Variants in C3orf70 observed in about 807,000 individuals in gnomAD.
C3orf70 encodes the protein UPF0524 protein C3orf70.
C3orf70 carries 15 observed loss-of-function variants against 20.7 expected under a neutral mutation model. The ratio of observed to expected loss-of-function variants is 0.72; its 90% CI spans 0.48 to 1.11. The LOEUF is 1.11. C3orf70 is among the 50% of genes most tolerant of loss of function. C3orf70 has a pLI of 0.00. For missense variants in C3orf70, 332 were observed against 317.6 expected, an observed-to-expected ratio of 1.05 and a Z score of -0.34; for synonymous variants, 161 against 125.7, an observed-to-expected ratio of 1.28 and a Z score of -1.88.
chr3:185,088,735 C>T (rs1346573758), intron 1 of C3orf70, among the ~76,000 whole-genome samples: 1 of 152,140 alleles, frequency 6.6e-6, no homozygotes, highest in African/African-American at 2.4e-5. Flanking sequence ...TAGGACTGTG[C>T]AAATATCCTG....
At chr3:185,087,597 T>C (rs1169400767) in intron 1 of C3orf70, among the ~76,000 whole-genome samples, 1 of 152,224 alleles carries the variant, frequency 6.6e-6, no homozygotes, top group African/African-American at 2.4e-5. Flanking sequence ...TTGCTTGATG[T>C]ATCTAAAGTA....
chr3:185,148,806 GCCATTA>G (rs1716926501), intron 1 of C3orf70, among the ~76,000 whole-genome samples: 1 of 152,122 alleles, frequency 6.6e-6, no homozygotes, highest in Non-Finnish European at 1.5e-5. Flanking sequence ...TCAAAAATGC[GCCATTA>G]CCCAAATACA....
intron 1 of C3orf70, among the ~76,000 whole-genome samples, chr3:185,149,394 CA>C (rs34153305): frequency 0.011 from 1,152 of 104,362 alleles, 17 homozygotes; most frequent in African/African-American, 0.046. Context: ...CTCTGTCTCC[CA>C]AAAAAAAAAA....
intron 1 of C3orf70, among the ~76,000 whole-genome samples, chr3:185,130,398 G>T (rs972242784): frequency 1.3e-5 from 2 of 152,114 alleles, no homozygotes; most frequent in African/African-American, 4.8e-5. Context: ...AGCGTGCAGT[G>T]AGCCGAGATC....
chr3:185,088,875 G>A (rs1188765424), intron 1 of C3orf70, among the ~76,000 whole-genome samples: 6 of 151,912 alleles, frequency 3.9e-5, no homozygotes, highest in East Asian at 1.9e-4. Context: ...TTCTATTTAC[G>A]TCATTCCTTC....
chr3:185,120,231 T>G (rs1266769058), intron 1 of C3orf70, among the ~76,000 whole-genome samples: 1 of 152,130 alleles, frequency 6.6e-6, no homozygotes, highest in African/African-American at 2.4e-5. Context: ...AAGCAAATTT[T>G]GAAAATTATT....
intron 1 of C3orf70, among the ~76,000 whole-genome samples, chr3:185,102,904 C>A (rs184105340): frequency 1.1e-3 from 163 of 152,236 alleles, no homozygotes; most frequent in African/African-American, 3.7e-3. Context: ...AAAATTAACT[C>A]AAGATAGATA....
intron 1 of C3orf70, among the ~76,000 whole-genome samples, chr3:185,150,680 G>A (rs1379905823): frequency 6.6e-6 from 1 of 152,186 alleles, no homozygotes; most frequent in African/African-American, 2.4e-5. Context: ...AACATGGGAG[G>A]TAGTGGTCTT....
At chr3:185,089,016 G>C (rs913499344) in intron 1 of C3orf70, among the ~76,000 whole-genome samples, 1 of 152,174 alleles carries the variant, frequency 6.6e-6, no homozygotes, top group African/African-American at 2.4e-5. Flanking sequence ...CTGAGATAAA[G>C]ACTTGTCTCA....
intron 1 of C3orf70, among the ~76,000 whole-genome samples, chr3:185,090,984 A>G (rs919419740): frequency 6.6e-6 from 1 of 152,158 alleles, no homozygotes; most frequent in African/African-American, 2.4e-5. Context: ...AGTGAGACAG[A>G]CCACCAGACG....
intron 1 of C3orf70, among the ~76,000 whole-genome samples, chr3:185,096,712 C>CACTT (rs1561334955): frequency 1.3e-5 from 2 of 152,186 alleles, no homozygotes; most frequent in African/African-American, 4.8e-5. Context: ...TTCCTTGGCT[C>CACTT]ACTTACAGTC....
intron 1 of C3orf70, among the ~76,000 whole-genome samples, chr3:185,128,799 G>T (rs1350588590): frequency 6.6e-6 from 1 of 152,150 alleles, no homozygotes; most frequent in Non-Finnish European, 1.5e-5. Flanking sequence ...ACGCGCTTCT[G>T]TGAAACTCTG....
Position 185,079,767 on chromosome 3 carries a change from C to T in C3orf70, c.*3240G>A, listed in dbSNP as rs957023033. ...ATGTAAACCCAAGAAAGCAGTTTAT[C>T]CATCCACACAGCCCAACCCTTGCTC... On this transcript the variant is annotated 3_prime_UTR_variant, in exon 2 of 2. Transcript: ENST00000335012. 1 of 152,652 alleles carries T rather than the reference C, an allele frequency of 6.6e-6. No homozygotes were observed. The highest frequency in any genetic ancestry group is 2.4e-5 in the African/African-American group (1 of 41,462). 9.5% of individuals were successfully genotyped at this position (152,652 alleles called of 1,614,324 possible).
chr3:185,083,449 T>C lies in C3orf70; in HGVS notation c.311A>G (p.His104Arg). ...GAAGACAGATGCAAATTTCAAAAAG[T>C]GTTCGGTGAGCGAGACTGAGATCTG... ...TIQISVSLTE[H>R]FLKFASVFQP... is the part of the protein sequence containing the mutation. The change falls in exon 2 of 2, where the codon CAC becomes CGC. Residue 104 changes from histidine to arginine, a missense_variant. Coordinates refer to ENST00000335012, the MANE Select transcript of C3orf70 (RefSeq NM_001025266.3). 2 of 1,614,074 alleles carry C rather than the reference T, an allele frequency of 1.2e-6. No homozygotes were observed. The highest frequency in any genetic ancestry group is 1.7e-6 in the Non-Finnish European group (2 of 1,180,022).
chr3:185,090,310 T>G (rs1204592032), intron 1 of C3orf70, among the ~76,000 whole-genome samples: 1 of 152,130 alleles, frequency 6.6e-6, no homozygotes, highest in Non-Finnish European at 1.5e-5. Flanking sequence ...GAAAATAAAA[T>G]AAATGTATAA....
chr3:185,119,284 G>T (rs9822023), intron 1 of C3orf70, among the ~76,000 whole-genome samples: 7,908 of 152,198 alleles, frequency 0.052, 671 homozygotes, highest in African/African-American at 0.18. Context: ...TTTAAGATGA[G>T]TATGTTCTGG....
rs753166396 is a variant in C3orf70 at position 185,077,786 on chromosome 3, TGGTG to T, written c.*5217_*5220del. Among the ~76,000 whole-genome samples the T allele has an allele frequency of 2.4e-5, 2 of 85,064 alleles. No homozygotes were observed. Among genetic ancestry groups the T allele is most frequent in the Non-Finnish European group, 4.4e-5 (2 of 45,576 alleles). The allele number at this position is 85,064 out of a possible 152,430, so 55.8% of individuals were successfully genotyped here. On this transcript the variant is annotated 3_prime_UTR_variant, in exon 2 of 2. Transcript: ENST00000335012. The stretch of plus-strand genomic sequence containing the variant: ...GTGTGAAATAAATGCTATTTGGTGG[TGGTG>T]GGGGGGGGGTATCAAGTTTTATTTG...
chr3:185,136,811 G>A (rs1013341480), intron 1 of C3orf70, among the ~76,000 whole-genome samples: 9 of 151,712 alleles, frequency 5.9e-5, no homozygotes, highest in African/African-American at 1.5e-4. Context: ...ACTCAGGAAC[G>A]AGGCAGGAGA....
intron 1 of C3orf70, among the ~76,000 whole-genome samples, chr3:185,110,568 A>G (rs1716051151): frequency 6.6e-6 from 1 of 151,022 alleles, no homozygotes; most frequent in Admixed American, 6.6e-5. Context: ...AAATCTGGCC[A>G]TAAACTGGCC....
Sources: gnomAD v4.1 joint callset for allele counts (sites outside exome capture counted in the v4.1 genomes callset) on GRCh38, gnomAD v4.1.1 for gene constraint, MANE v1.5 for transcripts, NCBI Gene and HGNC (gene_info 2026-07-23, HGNC 2026-07-21) for gene names.